CCDC171: variants seen among roughly 807,000 people sequenced by gnomAD.
CCDC171 encodes the protein coiled-coil domain-containing protein 171.
Under a neutral mutation model 168.2 loss-of-function variants are expected in CCDC171, and 177 were observed. The observed-to-expected ratio is 1.05, with a 90% CI of 0.93 to 1.19. The LOEUF is 1.19. Among genes scored for constraint, CCDC171 ranks in the 50% most tolerant of loss-of-function variants. The probability of loss-of-function intolerance (pLI) is 0.00; values close to 1 mark genes in which losing one functional copy is unlikely to be tolerated. For missense variants in CCDC171, 1,991 were observed against 1,539.0 expected (o/e 1.29, Z -4.91); for synonymous variants, 687 against 540.8 (o/e 1.27, Z -3.75).
the CCDC171 span, among the ~76,000 whole-genome samples, chr9:16,069,216 C>T: frequency 6.6e-6 from 1 of 152,222 alleles, no homozygotes; most frequent in African/African-American, 2.4e-5. Flanking sequence ...AAAAACATCT[C>T]ATGGAAAAAA....
chr9:15,623,462 TATGCGC>T (rs754465759), intron 7 of CCDC171, 49 bp downstream of exon 7: 38 of 486,786 alleles, frequency 7.8e-5, no homozygotes, highest in Admixed American at 3.1e-4. Flanking sequence ...AACTTTCACA[TATGCGC>T]GCGCGCGCAC....
chr9:15,798,299 A>T (rs182424444), intron 21 of CCDC171, among the ~76,000 whole-genome samples: 2 of 151,584 alleles, frequency 1.3e-5, no homozygotes, highest in Admixed American at 6.6e-5. Context: ...GGTAATTCAT[A>T]TTTTCTCTTT....
intron 24 of CCDC171, among the ~76,000 whole-genome samples, chr9:15,916,047 G>T (rs1265997082): frequency 1.3e-5 from 2 of 151,886 alleles, no homozygotes; most frequent in Non-Finnish European, 2.9e-5. Flanking sequence ...TGTTATCATT[G>T]TGAGATCTTC....
At chr9:15,928,122 C>T (rs1380408121) in intron 25 of CCDC171, among the ~76,000 whole-genome samples, 1 of 151,578 alleles carries the variant, frequency 6.6e-6, no homozygotes, top group Non-Finnish European at 1.5e-5. Flanking sequence ...AGGTGCTTTC[C>T]GATGAGACTG....
chr9:15,564,973 G>C (rs2039606883), intron 2 of CCDC171, among the ~76,000 whole-genome samples: 1 of 152,036 alleles, frequency 6.6e-6, no homozygotes, highest in Non-Finnish European at 1.5e-5. Context: ...GAGAAGGACT[G>C]ATCTAGACTG....
At chr9:15,660,758 G>A (rs2048253416) in intron 8 of CCDC171, among the ~76,000 whole-genome samples, 1 of 152,088 alleles carries the variant, frequency 6.6e-6, no homozygotes, top group South Asian at 2.1e-4. Flanking sequence ...CCATGTCTTT[G>A]CTATTGTGAA....
intron 6 of CCDC171, among the ~76,000 whole-genome samples, chr9:16,031,848 A>G (rs1482795205): frequency 6.6e-6 from 1 of 152,008 alleles, no homozygotes; most frequent in African/African-American, 2.4e-5. Context: ...CATGCCCTCC[A>G]CCCCAGGGCT....
intron 18 of CCDC171, among the ~76,000 whole-genome samples, chr9:15,769,549 T>A (rs1249140758): frequency 6.6e-6 from 1 of 152,246 alleles, no homozygotes; most frequent in Non-Finnish European, 1.5e-5. Context: ...CATAGTGACT[T>A]TGGCGCTAAT....
chr9:15,691,184 C>A (rs934945755), intron 10 of CCDC171, among the ~76,000 whole-genome samples: 11 of 151,806 alleles, frequency 7.2e-5, no homozygotes, highest in Non-Finnish European at 1.5e-4. Flanking sequence ...AAAAAAACTG[C>A]CAGAAACCTA....
intron 24 of CCDC171, among the ~76,000 whole-genome samples, chr9:15,916,221 A>G (rs554250824): frequency 6.1e-4 from 93 of 152,044 alleles, no homozygotes; most frequent in African/African-American, 2.1e-3. Context: ...CCTATTTGAT[A>G]TCATTATTAC....
downstream of CCDC171, among the ~76,000 whole-genome samples, chr9:15,978,662 A>C (rs2132860456): frequency 6.6e-6 from 1 of 152,326 alleles, no homozygotes; most frequent in South Asian, 2.1e-4. Flanking sequence ...TATCTGCTTC[A>C]CAACAATTCA....
intron 16 of CCDC171, among the ~76,000 whole-genome samples, chr9:15,736,620 G>A (rs979068736): frequency 2.0e-5 from 3 of 151,820 alleles, no homozygotes; most frequent in South Asian, 2.1e-4. Context: ...CCAAAGTGTT[G>A]GAATTACAAA....
chr9:16,013,132 A>G (rs182151415), intron 3 of CCDC171, among the ~76,000 whole-genome samples: 383 of 152,284 alleles, frequency 2.5e-3, no homozygotes, highest in South Asian at 6.4e-3. Flanking sequence ...TACATCTGAT[A>G]GCTATACTGT....
At chr9:15,823,623 T>A (rs2059889784) in intron 21 of CCDC171, among the ~76,000 whole-genome samples, 1 of 152,096 alleles carries the variant, frequency 6.6e-6, no homozygotes, top group Non-Finnish European at 1.5e-5. Flanking sequence ...AACTTGACAA[T>A]ACGCATGAGG....
At chr9:16,034,941 A>G (rs1056095089) in intron 6 of CCDC171, among the ~76,000 whole-genome samples, 2 of 152,234 alleles carry the variant, frequency 1.3e-5, no homozygotes, top group African/African-American at 4.8e-5. Flanking sequence ...ACAATTGAGA[A>G]GAAACATAGT....
intron 11 of CCDC171, among the ~76,000 whole-genome samples, chr9:15,711,022 G>A (rs1305840180): frequency 6.6e-6 from 1 of 151,924 alleles, no homozygotes; most frequent in African/African-American, 2.4e-5. Flanking sequence ...ATGTTTTTTT[G>A]TTCTGTAGAT....
intron 4 of CCDC171, among the ~76,000 whole-genome samples, chr9:15,584,321 C>T (rs1042035220): frequency 6.6e-6 from 1 of 152,106 alleles, no homozygotes; most frequent in South Asian, 2.1e-4. Flanking sequence ...AACCCTATAA[C>T]AAAACACAGG....
intron 5 of CCDC171, 50 bp downstream of exon 5, chr9:15,591,606 A>G: frequency 9.7e-7 from 1 of 1,036,000 alleles, no homozygotes; most frequent in Non-Finnish European, 1.4e-6. Context: ...ATTCACCGAG[A>G]TGTGTTGTAC....
At chr9:15,918,961 C>G (rs1442310503) in intron 24 of CCDC171, among the ~76,000 whole-genome samples, 3 of 151,630 alleles carry the variant, frequency 2.0e-5, no homozygotes, top group African/African-American at 7.3e-5. Flanking sequence ...CAAACAAGTA[C>G]TCACTATCCC....
Sources: gnomAD v4.1 joint callset for allele counts (sites outside exome capture counted in the v4.1 genomes callset) on GRCh38, gnomAD v4.1.1 for gene constraint, MANE v1.5 for transcripts, NCBI Gene and HGNC (gene_info 2026-07-23, HGNC 2026-07-21) for gene names.